BRMS1L: variants seen among roughly 807,000 people sequenced by gnomAD.
BRMS1L encodes BRMS1 like transcriptional repressor, also known as breast cancer metastasis-suppressor 1-like protein.
Under a neutral mutation model 50.3 loss-of-function variants are expected in BRMS1L, and 23 were observed. The observed-to-expected ratio is 0.46, with a 90% confidence interval of 0.33 to 0.65. The LOEUF is 0.65. BRMS1L is among the 30% of genes least tolerant of loss of function. The pLI, the probability that BRMS1L is intolerant of heterozygous loss-of-function variation, is 0.02. For synonymous variants in BRMS1L, 114 were observed against 126.9 expected (o/e 0.90, Z 0.69); for missense variants, 286 against 386.1 (o/e 0.74, Z 2.17).
chr14:35,853,698 A>T (rs2078243871), intron 4 of BRMS1L, among the ~76,000 whole-genome samples: 1 of 152,154 alleles, frequency 6.6e-6, no homozygotes, highest in African/African-American at 2.4e-5. Flanking sequence ...AAGTGCTGGG[A>T]TTATAGGCGT....
chr14:35,836,127 T>C (rs1415142497), intron 4 of BRMS1L, among the ~76,000 whole-genome samples: 1 of 152,214 alleles, frequency 6.6e-6, no homozygotes, highest in Non-Finnish European at 1.5e-5. Context: ...TGCCTATTTG[T>C]ATTTCTTGCC....
At chr14:35,833,839 GATA>G (rs1465675797) in intron 3 of BRMS1L, among the ~76,000 whole-genome samples, 2 of 152,088 alleles carry the variant, frequency 1.3e-5, no homozygotes. Context: ...AGGCATTGTT[GATA>G]ATAAGTTCTT....
At chr14:35,849,888 C>T (rs988645585) in intron 4 of BRMS1L, among the ~76,000 whole-genome samples, 3 of 151,414 alleles carry the variant, frequency 2.0e-5, no homozygotes, top group Non-Finnish European at 4.4e-5. Context: ...GGTGTGATCT[C>T]GGCTCACTGC....
intron 8 of BRMS1L, chr14:35,866,200 A>AT (rs538963954): frequency 4.7e-4 from 72 of 153,326 alleles, no homozygotes; most frequent in Non-Finnish European, 6.6e-4. Flanking sequence ...CACTTCCTTG[A>AT]TTTTTTTTTT....
At chr14:35,858,027 A>AAG (rs2078304195) in intron 4 of BRMS1L, among the ~76,000 whole-genome samples, 2 of 151,970 alleles carry the variant, frequency 1.3e-5, no homozygotes, top group Admixed American at 6.6e-5. Context: ...AAAAAAAAAA[A>AAG]AAGCACTGGA....
rs567453289 is a variant in BRMS1L, at chr14:35,838,066, C to G, written c.441+3143C>G. On this transcript the variant is annotated intron_variant, in intron 4 of 9. Coordinates refer to ENST00000216807, the MANE Select transcript of BRMS1L (RefSeq NM_032352.4). ...AGGCCTCGGTGTGTGATGTTCCCCT[C>G]CCCGTGTCCATGTGTTCTCATTGTT... 5.9e-5 allele frequency among the ~76,000 whole-genome samples: 9 copies of G among 152,146 alleles called. No individual in the cohort carries two copies. The South Asian group carries it at 1.2e-3, about 21-fold the overall frequency.
intron 4 of BRMS1L, among the ~76,000 whole-genome samples, chr14:35,838,952 A>G (rs1444913711): frequency 7.9e-5 from 12 of 152,140 alleles, no homozygotes; most frequent in Admixed American, 7.2e-4. Context: ...GCCCATGCCT[A>G]TGTCCTGAAT....
At chr14:35,828,977 G>A (rs2077883635) in intron 1 of BRMS1L, among the ~76,000 whole-genome samples, 1 of 148,966 alleles carries the variant, frequency 6.7e-6, no homozygotes, top group Non-Finnish European at 1.5e-5. Context: ...AGACAGTCTT[G>A]CTCTGTCACC....
chr14:35,840,951 G>T (rs537790351), intron 4 of BRMS1L, among the ~76,000 whole-genome samples: 1 of 151,980 alleles, frequency 6.6e-6, no homozygotes, highest in Non-Finnish European at 1.5e-5. Flanking sequence ...TTAGGGTGTC[G>T]ATTTTAGCTC....
chr14:35,863,086 G>A (rs2078374690), intron 5 of BRMS1L, among the ~76,000 whole-genome samples: 1 of 151,838 alleles, frequency 6.6e-6, no homozygotes, highest in African/African-American at 2.4e-5. Context: ...ACTCCAGACT[G>A]GGCAATCTTG....
At chr14:35,848,995 C>T (rs1019114558) in intron 4 of BRMS1L, among the ~76,000 whole-genome samples, 2 of 151,944 alleles carry the variant, frequency 1.3e-5, no homozygotes, top group African/African-American at 2.4e-5. Context: ...AGTGGAATTG[C>T]TGGAAATTGT....
chr14:35,845,466 C>T (rs1291798087), intron 4 of BRMS1L, among the ~76,000 whole-genome samples: 1 of 152,030 alleles, frequency 6.6e-6, no homozygotes, highest in Non-Finnish European at 1.5e-5. Context: ...TTGAATTAGT[C>T]GTGGTTTTAT....
chr14:35,835,770 C>T (rs777282933), intron 4 of BRMS1L, among the ~76,000 whole-genome samples: 10 of 152,084 alleles, frequency 6.6e-5, no homozygotes, highest in African/African-American at 1.9e-4. Flanking sequence ...GCTTGACCTT[C>T]GGAGGTTGAG....
chr14:35,832,349 C>CAAAA (rs869067604), intron 2 of BRMS1L, among the ~76,000 whole-genome samples: 1 of 61,642 alleles, frequency 1.6e-5, no homozygotes, highest in Non-Finnish European at 4.9e-5. Context: ...CTAAAAAATA[C>CAAAA]AAAAAAAAAA....
In BRMS1L at chr14:35,870,835, A is replaced by G. The variant is rs1221277446; in HGVS notation, c.*358A>G. On this transcript the variant is annotated 3_prime_UTR_variant, in exon 10 of 10. Coordinates refer to ENST00000216807, the MANE Select transcript of BRMS1L (RefSeq NM_032352.4). The stretch of plus-strand genomic sequence containing the variant: ...ATCTGCAATTTTTAAAATTTTCCAT[A>G]TCTTTGTCATTCATTGTGTGTTTGT... 1 of 157,666 alleles carries G rather than the reference A, an allele frequency of 6.3e-6. No individual in the cohort carries two copies. The highest frequency in any genetic ancestry group is 1.4e-5 in the Non-Finnish European group (1 of 71,728). 9.8% of individuals were successfully genotyped at this position (157,666 alleles called of 1,614,324 possible).
intron 6 of BRMS1L, among the ~76,000 whole-genome samples, chr14:35,864,428 T>G (rs1030155277): frequency 3.9e-5 from 6 of 152,034 alleles, no homozygotes; most frequent in Non-Finnish European, 8.8e-5. Flanking sequence ...GCCTGGCTAA[T>G]TTTTGTATTT....
At chr14:35,859,977 G>A (rs574372151) in intron 4 of BRMS1L, among the ~76,000 whole-genome samples, 4 of 151,962 alleles carry the variant, frequency 2.6e-5, no homozygotes, top group East Asian at 1.9e-4. Flanking sequence ...AAAAAAATTC[G>A]TATCTTCAGT....
intron 4 of BRMS1L, among the ~76,000 whole-genome samples, chr14:35,850,716 C>T (rs1013003589): frequency 2.0e-5 from 3 of 152,258 alleles, no homozygotes; most frequent in East Asian, 1.9e-4. Flanking sequence ...TCAGCTCTTA[C>T]GTTTAAGTCT....
At chr14:35,866,549 AC>A (rs2078424076) in intron 8 of BRMS1L, among the ~76,000 whole-genome samples, 1 of 152,202 alleles carries the variant, frequency 6.6e-6, no homozygotes, top group African/African-American at 2.4e-5. Flanking sequence ...ACAAAAAAAT[AC>A]AAAAATTAGC....
Sources: gnomAD v4.1 joint callset for allele counts (sites outside exome capture counted in the v4.1 genomes callset) on GRCh38, gnomAD v4.1.1 for gene constraint, MANE v1.5 for transcripts, NCBI Gene and HGNC (gene_info 2026-07-23, HGNC 2026-07-21) for gene names.